Variants in ST6GALNAC3 observed in about 807,000 individuals in gnomAD.
ST6GALNAC3 encodes ST6 N-acetylgalactosaminide alpha-2,6-sialyltransferase 3.
In ST6GALNAC3, 25 loss-of-function variants were observed where a neutral mutation model predicts 32.7. The observed-to-expected ratio is 0.76, with a 90% CI of 0.56 to 1.07. ST6GALNAC3 has a LOEUF of 1.07. ST6GALNAC3 is among the 50% of genes least tolerant of loss of function. ST6GALNAC3 has a pLI of 0.00. For missense variants in ST6GALNAC3, 355 were observed against 382.4 expected, an observed-to-expected ratio of 0.93 and a Z score of 0.60; for synonymous variants, 129 against 133.1, an observed-to-expected ratio of 0.97 and a Z score of 0.21.
In ST6GALNAC3 at chr1:76,547,224, A is replaced by G. The variant is rs899764009; in HGVS notation, c.624-80228A>G. Among the ~76,000 whole-genome samples, 36 of 152,338 alleles carry G rather than the reference A, an allele frequency of 2.4e-4. 1 individual carries two copies. Among genetic ancestry groups the G allele is most frequent in the Admixed American group, 1.3e-4 (2 of 15,308 alleles). Reference sequence around the variant, plus strand: ...TAACTTTTGTTTGCCAAAAGAGTATATGATCTGGGAACTAGACCAACCGAA... The same window carrying G: ...TAACTTTTGTTTGCCAAAAGAGTATGTGATCTGGGAACTAGACCAACCGAA... On this transcript the variant is annotated intron_variant, in intron 3 of 4. Coordinates refer to ENST00000328299, the MANE Select transcript of ST6GALNAC3 (RefSeq NM_152996.4).
chr1:76,330,028 C>T (rs1251443703), intron 2 of ST6GALNAC3, among the ~76,000 whole-genome samples: 2 of 152,066 alleles, frequency 1.3e-5, no homozygotes, highest in African/African-American at 4.8e-5. Flanking sequence ...AGGCTGGTCT[C>T]AAACTCCTGA....
intron 3 of ST6GALNAC3, among the ~76,000 whole-genome samples, chr1:76,499,251 T>C (rs1428380318): frequency 6.6e-6 from 1 of 152,188 alleles, no homozygotes; most frequent in Non-Finnish European, 1.5e-5. Context: ...GGAGTATAAT[T>C]TGAGACAGCT....
chr1:76,587,976 C>A (rs1316801956), intron 3 of ST6GALNAC3, among the ~76,000 whole-genome samples: 1 of 152,264 alleles, frequency 6.6e-6, no homozygotes, highest in African/African-American at 2.4e-5. Flanking sequence ...CCTGGGAGAC[C>A]TGGCATAAAT....
At chr1:76,257,647 C>A (rs573379854) in intron 1 of ST6GALNAC3, among the ~76,000 whole-genome samples, 1 of 152,088 alleles carries the variant, frequency 6.6e-6, no homozygotes, top group African/African-American at 2.4e-5. Flanking sequence ...ACTCTTTCAT[C>A]GCCCCACTTT....
chr1:76,584,730 A>G (rs975146475), intron 3 of ST6GALNAC3, among the ~76,000 whole-genome samples: 18 of 152,208 alleles, frequency 1.2e-4, no homozygotes, highest in Non-Finnish European at 1.9e-4. Context: ...TGCTAGCTCT[A>G]AAGAAATATG....
chr1:76,378,498 A>G (rs1651420966), intron 2 of ST6GALNAC3, among the ~76,000 whole-genome samples: 1 of 152,002 alleles, frequency 6.6e-6, no homozygotes, highest in Admixed American at 6.5e-5. Context: ...GCCGTCTCTA[A>G]TAAATATACA....
intron 1 of ST6GALNAC3, among the ~76,000 whole-genome samples, chr1:76,142,611 G>C (rs141043957): frequency 2.4e-3 from 366 of 152,288 alleles, no homozygotes; most frequent in African/African-American, 8.6e-3. Context: ...AGGGAAGACA[G>C]TCATCTTTGA....
intron 3 of ST6GALNAC3, among the ~76,000 whole-genome samples, chr1:76,447,917 C>G (rs531087045): frequency 6.6e-6 from 1 of 152,274 alleles, no homozygotes; most frequent in Admixed American, 6.5e-5. Flanking sequence ...AATGTGGGGT[C>G]AGAGCCCCCA....
intron 3 of ST6GALNAC3, among the ~76,000 whole-genome samples, chr1:76,557,522 G>C (rs1570260616): frequency 6.6e-6 from 1 of 152,062 alleles, no homozygotes; most frequent in East Asian, 1.9e-4. Flanking sequence ...TACCTACCAT[G>C]CATCTAAATT....
intron 2 of ST6GALNAC3, among the ~76,000 whole-genome samples, chr1:76,370,200 G>C (rs1650708734): frequency 6.6e-6 from 1 of 152,124 alleles, no homozygotes; most frequent in Non-Finnish European, 1.5e-5. Context: ...CCTATTCCGT[G>C]TTGCAAATAA....
At chr1:76,175,670 A>T (rs992848569) in intron 1 of ST6GALNAC3, among the ~76,000 whole-genome samples, 1 of 152,182 alleles carries the variant, frequency 6.6e-6, no homozygotes, top group African/African-American at 2.4e-5. Flanking sequence ...GAAATCAAAT[A>T]CTTAAAAAAT....
intron 2 of ST6GALNAC3, among the ~76,000 whole-genome samples, chr1:76,383,115 G>A (rs1036428224): frequency 3.9e-5 from 6 of 152,078 alleles, no homozygotes; most frequent in African/African-American, 1.4e-4. Flanking sequence ...TCGATGAAGT[G>A]GCATCTTCAA....
At chr1:76,418,746 A>G (rs1654819795) in intron 3 of ST6GALNAC3, among the ~76,000 whole-genome samples, 1 of 152,074 alleles carries the variant, frequency 6.6e-6, no homozygotes, top group African/African-American at 2.4e-5. Context: ...CAAAAAGTTC[A>G]TGCAGCAGTC....
At chr1:76,263,504 C>A (rs1451981628) in intron 1 of ST6GALNAC3, among the ~76,000 whole-genome samples, 2 of 152,108 alleles carry the variant, frequency 1.3e-5, no homozygotes, top group Non-Finnish European at 2.9e-5. Flanking sequence ...TGGGAAACTG[C>A]ACTGTTAATC....
chr1:76,501,834 T>C (rs565799721), intron 3 of ST6GALNAC3, among the ~76,000 whole-genome samples: 1 of 152,336 alleles, frequency 6.6e-6, no homozygotes, highest in East Asian at 1.9e-4. Context: ...TAAAAGTTTA[T>C]TTCTTCTTAA....
intron 1 of ST6GALNAC3, among the ~76,000 whole-genome samples, chr1:76,158,446 C>T (rs1651604668): frequency 6.6e-6 from 1 of 152,202 alleles, no homozygotes; most frequent in African/African-American, 2.4e-5. Context: ...GTCTGTAGGG[C>T]AGGTCATAAC....
intron 1 of ST6GALNAC3, among the ~76,000 whole-genome samples, chr1:76,131,894 G>A (rs1265934004): frequency 6.6e-6 from 1 of 152,094 alleles, no homozygotes; most frequent in Non-Finnish European, 1.5e-5. Context: ...CAGTGTCATG[G>A]CTACCAAAAT....
chr1:76,120,061 C>A lies in ST6GALNAC3; in HGVS notation c.18+45177C>A, dbSNP rs79133604. Among the ~76,000 whole-genome samples the A allele has an allele frequency of 3.3e-3, 504 of 152,386 alleles. 4 individuals carry two copies. The highest frequency in any genetic ancestry group is 0.012 in the African/African-American group (486 of 41,594). On this transcript the variant is annotated intron_variant, in intron 1 of 4. Transcript: ENST00000328299. ...GATGTGCAATGGACACATGAACAGA[C>A]TCTGCATTTGGTGGGAGCTTTGAAT...
intron 2 of ST6GALNAC3, among the ~76,000 whole-genome samples, chr1:76,367,495 G>A (rs1193266205): frequency 6.6e-6 from 1 of 152,096 alleles, no homozygotes; most frequent in Non-Finnish European, 1.5e-5. Context: ...GGGTAGGGGA[G>A]AAGATTCCAA....
Sources: gnomAD v4.1 joint callset for allele counts (sites outside exome capture counted in the v4.1 genomes callset) on GRCh38, gnomAD v4.1.1 for gene constraint, MANE v1.5 for transcripts, NCBI Gene and HGNC (gene_info 2026-07-23, HGNC 2026-07-21) for gene names.